The following HMCN2 variants were observed in gnomAD, a reference collection of about 807,000 sequenced individuals.
HMCN2 encodes the protein hemicentin 2.
Under a neutral mutation model 377.5 loss-of-function variants are expected in HMCN2, and 325 were observed. The observed-to-expected ratio is 0.86, with a 90% CI of 0.79 to 0.94. HMCN2 has a LOEUF of 0.94. HMCN2 is among the 40% of genes least tolerant of loss of function. The pLI is 0.00. For missense variants in HMCN2, 4,543 were observed against 4,725.3 expected (o/e 0.96, Z 1.13); for synonymous variants, 2,007 against 2,046.8 (o/e 0.98, Z 0.53).
rs1046235940 is a variant in HMCN2 at position 130,410,711 on chromosome 9, C to T, written c.12961+59C>T. Reference sequence around the variant, plus strand: ...GAAGTGTGCTCGGGGACAGCGGTGGCGTGTGCAGCCTAGAGGGCAGACGGC... The same window carrying T: ...GAAGTGTGCTCGGGGACAGCGGTGGTGTGTGCAGCCTAGAGGGCAGACGGC... On this transcript the variant is annotated intron_variant, in intron 85 of 97. Transcript: ENST00000683500. 2.3e-5 allele frequency: 33 copies of T among 1,439,106 alleles called. No individual in the cohort carries two copies. The Middle Eastern group carries it at 6.9e-4, about 30-fold the overall frequency. The allele number at this position is 1,439,106 out of a possible 1,614,324, so 89.1% of individuals were successfully genotyped here.
chr9:130,392,779 A>ATG (rs1842389707), intron 66 of HMCN2, among the ~76,000 whole-genome samples: 7 of 151,904 alleles, frequency 4.6e-5, no homozygotes, highest in African/African-American at 7.3e-5. Flanking sequence ...GGCAGATTAC[A>ATG]AGGTCAGGAG....
At chr9:130,367,979 A>G (rs1840786559) in intron 43 of HMCN2, among the ~76,000 whole-genome samples, 1 of 149,590 alleles carries the variant, frequency 6.7e-6, no homozygotes, top group Non-Finnish European at 1.5e-5. Flanking sequence ...CCCAGAAGGA[A>G]ATTGAGGCAG....
rs1240098074 is a variant in HMCN2, at chr9:130,394,017, T to G, written c.10501+9T>G. The G allele has an allele frequency of 8.2e-7, 1 of 1,223,766 alleles. No individual in the cohort carries two copies. Among genetic ancestry groups the G allele is most frequent in the Admixed American group, 3.0e-5 (1 of 33,364 alleles). 75.8% of individuals were successfully genotyped at this position (1,223,766 alleles called of 1,614,324 possible). A position where few individuals can be genotyped will look rare whatever the true frequency, so the allele number is the denominator to read the frequency against. ...CCAGCTGACCGTCATGGGTGGGTCC[T>G]CTGGCCTCTGGCCAGCTTCTCTGGG... is the stretch of plus-strand genomic sequence containing the variant. On this transcript the variant is annotated intron_variant, in intron 68 of 97. Coordinates refer to ENST00000683500, the MANE Select transcript of HMCN2 (RefSeq NM_001291815.2). The surrounding 1 kb of genome is among the most constrained non-coding windows in gnomAD (Gnocchi z 5.1).
intron 86 of HMCN2, among the ~76,000 whole-genome samples, chr9:130,420,477 AAAC>A (rs1843944651): frequency 6.6e-6 from 1 of 152,102 alleles, no homozygotes; most frequent in Non-Finnish European, 1.5e-5. Flanking sequence ...TAAAAAAACA[AAAC>A]AAAACAAAAC....
intron 45 of HMCN2, among the ~76,000 whole-genome samples, chr9:130,370,355 C>T (rs1202953512): frequency 6.6e-6 from 1 of 152,166 alleles, no homozygotes; most frequent in African/African-American, 2.4e-5. Flanking sequence ...CTCATGCATT[C>T]CATCATTTAC....
chr9:130,418,708 C>CAT, intron 85 of HMCN2, 64 bp from the exon 86 acceptor site: 1 of 1,330,176 alleles, frequency 7.5e-7, no homozygotes, highest in Non-Finnish European at 9.8e-7. Flanking sequence ...TCTAAATGAA[C>CAT]ATATCCCACT....
intron 94 of HMCN2, chr9:130,429,941 G>T: frequency 1.5e-6 from 1 of 657,264 alleles, no homozygotes; most frequent in Non-Finnish European, 2.5e-6. Flanking sequence ...TCATCTTCCG[G>T]GGAATTTCAG....
chr9:130,404,176 A>G (rs1039076072), intron 80 of HMCN2, among the ~76,000 whole-genome samples: 2 of 152,120 alleles, frequency 1.3e-5, no homozygotes, highest in African/African-American at 4.8e-5. Flanking sequence ...CCCTTCCCTT[A>G]GTTTGATCAA....
intron 76 of HMCN2, 33 bp from the exon 77 acceptor site, chr9:130,400,750 C>T (rs200235852): frequency 8.0e-5 from 101 of 1,262,382 alleles, no homozygotes; most frequent in Non-Finnish European, 9.1e-5. Context: ...CTGTGCCCGC[C>T]GGCAGGGCCT....
rs879927600 is a variant in HMCN2, at chr9:130,351,821, T to C, written c.4585+244T>C. Among the ~76,000 whole-genome samples, 4 of 151,780 alleles carry C rather than the reference T, an allele frequency of 2.6e-5. No individual in the cohort carries two copies. The highest frequency in any genetic ancestry group is 2.6e-4 in the Admixed American group (4 of 15,238). ...AGCTCTAAAAATTTACTACTTATGT[T>C]TTTTTTTTGAGATGAATTCTCTCTC... is the stretch of plus-strand genomic sequence containing the variant. On this transcript the variant is annotated intron_variant, in intron 30 of 97. Coordinates refer to ENST00000683500, the MANE Select transcript of HMCN2 (RefSeq NM_001291815.2). The surrounding 1 kb of genome is among the most constrained non-coding windows in gnomAD (Gnocchi z 5.4).
At chr9:130,284,932 C>T (rs190749669) in intron 2 of HMCN2, among the ~76,000 whole-genome samples, 3 of 152,250 alleles carry the variant, frequency 2.0e-5, no homozygotes, top group East Asian at 1.9e-4. Flanking sequence ...GGGGTGGGCC[C>T]GTGTCACTCT....
chr9:130,409,080 T>C, intron 84 of HMCN2, 147 bp downstream of exon 84: 1 of 442,356 alleles, frequency 2.3e-6, no homozygotes, highest in Non-Finnish European at 3.8e-6. Context: ...ATCCTCCCAC[T>C]ACCACCAATA....
chr9:130,365,318 G>T (rs1271138969), intron 41 of HMCN2, among the ~76,000 whole-genome samples: 2 of 152,240 alleles, frequency 1.3e-5, no homozygotes, highest in African/African-American at 2.4e-5. Flanking sequence ...TTTCCAAAGA[G>T]GCTGGGAGCT....
At chr9:130,312,246 G>A (rs1056366490) in intron 15 of HMCN2, among the ~76,000 whole-genome samples, 17 of 151,974 alleles carry the variant, frequency 1.1e-4, no homozygotes, top group African/African-American at 3.1e-4. Flanking sequence ...CGCTGCTTAC[G>A]TCTGCAAGCC....
chr9:130,426,147 T>C (rs10115167), intron 90 of HMCN2, among the ~76,000 whole-genome samples: 4,905 of 152,218 alleles, frequency 0.032, 100 homozygotes, highest in African/African-American at 0.056. Context: ...AAGCCACCCT[T>C]GTTCCAACCT....
rs1836629066 is a variant in HMCN2 at position 130,303,385 on chromosome 9, T to C, written c.1422-102T>C. 6 of 324,038 alleles carry C rather than the reference T, an allele frequency of 1.9e-5. No homozygotes were observed. The highest frequency in any genetic ancestry group is 1.4e-4 in the South Asian group (6 of 42,238). The allele number at this position is 324,038 out of a possible 1,614,324, so 20.1% of individuals were successfully genotyped here. ...CTTCTTACCGCATCTCACAGAGGAA[T>C]TGGGGTCTCTCGTTTGGGCAGGATT... On this transcript the variant is annotated intron_variant, in intron 9 of 97. Transcript: ENST00000683500. This position sits in a 1 kb window ranked among gnomAD's most constrained non-coding sequence, Gnocchi z 5.2.
At chr9:130,376,035 C>G in intron 51 of HMCN2, 46 bp downstream of exon 51, 1 of 888,940 alleles carries the variant, frequency 1.1e-6, no homozygotes, top group Non-Finnish European at 1.3e-6. Context: ...AGAAGACCGC[C>G]CGGGAACCTA....
At chr9:130,429,485 G>C in intron 93 of HMCN2, 72 bp from the exon 94 acceptor site, 2 of 1,532,688 alleles carry the variant, frequency 1.3e-6, no homozygotes. Context: ...ATATGGAGGG[G>C]GATGGTCCGT....
At chr9:130,425,974 C>A (rs760029173) in intron 90 of HMCN2, 50 bp downstream of exon 90, 1 of 1,362,160 alleles carries the variant, frequency 7.3e-7, no homozygotes, top group African/African-American at 1.4e-5. Flanking sequence ...CTAAAACCTG[C>A]CAGGGGGCCC....
Sources: gnomAD v4.1 joint callset for allele counts (sites outside exome capture counted in the v4.1 genomes callset) on GRCh38, gnomAD v4.1.1 for gene constraint, Gnocchi (gnomAD v3.1) non-coding constraint, MANE v1.5 for transcripts, NCBI Gene and HGNC (gene_info 2026-07-23, HGNC 2026-07-21) for gene names.